Variants in HNF4G observed in about 807,000 individuals in gnomAD.
HNF4G encodes hepatocyte nuclear factor 4-gamma.
A neutral mutation model predicts 50.9 loss-of-function variants in HNF4G; 21 were observed. The ratio of observed to expected loss-of-function variants is 0.41; its 90% CI spans 0.29 to 0.59. The LOEUF (loss-of-function observed/expected upper bound fraction) is 0.59, where lower values mean the gene tolerates loss of function less well. Among genes scored for constraint, HNF4G ranks in the 20% least tolerant of loss-of-function variants. The pLI, the probability that HNF4G is intolerant of heterozygous loss-of-function variation, is 0.26. For missense variants in HNF4G, 527 were observed against 559.4 expected (o/e 0.94, Z 0.58); for synonymous variants, 198 against 185.6 (o/e 1.07, Z -0.54).
intron 1 of HNF4G, among the ~76,000 whole-genome samples, chr8:75,422,790 T>C (rs967878710): frequency 1.3e-5 from 2 of 152,192 alleles, no homozygotes; most frequent in East Asian, 3.9e-4. Context: ...CCCGCCACCA[T>C]GCCCCGCTAA....
At chr8:75,410,069 CA>C (rs1179115448) in intron 1 of HNF4G, among the ~76,000 whole-genome samples, 2 of 152,024 alleles carry the variant, frequency 1.3e-5, no homozygotes, top group East Asian at 3.9e-4. Flanking sequence ...TCAATATATA[CA>C]GATTTTTTTT....
chr8:75,432,958 G>C (rs1213837959), intron 1 of HNF4G, among the ~76,000 whole-genome samples: 1 of 152,150 alleles, frequency 6.6e-6, no homozygotes. Context: ...CAATTTGCCA[G>C]CTCTTTGAAT....
chr8:75,421,720 C>T (rs527578447), intron 1 of HNF4G, among the ~76,000 whole-genome samples: 2 of 152,208 alleles, frequency 1.3e-5, no homozygotes, highest in Admixed American at 6.5e-5. Flanking sequence ...GGCTTCACCC[C>T]GGGACTCAGT....
Position 75,558,550 on chromosome 8 carries a change from G to C in HNF4G, c.766G>C (p.Glu256Gln). 6.2e-7 allele frequency: 1 copy of C among 1,613,690 alleles called. No individual in the cohort carries two copies. Among genetic ancestry groups the C allele is most frequent in the Non-Finnish European group, 8.5e-7 (1 of 1,179,834 alleles). Reference protein sequence around the residue: ...NNYVIHRNSCEVEISRVANRV... With the variant: ...NNYVIHRNSCQVEISRVANRV... ...CTATGTTATTCACCGCAACAGCTGT[G>C]AAGTTGAGATTAGCCGTGTGGCCAA... The change falls in exon 7 of 10, where the codon GAA (glutamate) becomes CAA (glutamine). Residue 256 changes from glutamate to glutamine, a missense_variant. By Grantham distance (29) the Glu-to-Gln change is conservative. This residue lies in a region of HNF4G where 308 missense variants were observed against 301.5 expected (regional missense o/e 1.02). Coordinates refer to ENST00000396423, the MANE Select transcript of HNF4G (RefSeq NM_004133.5).
At chr8:75,563,676 G>T (rs189633542) in intron 9 of HNF4G, among the ~76,000 whole-genome samples, 1 of 151,948 alleles carries the variant, frequency 6.6e-6, no homozygotes, top group Admixed American at 6.6e-5. Flanking sequence ...TGCTAGGTTT[G>T]TTAGAGAATC....
At chr8:75,480,928 G>A (rs1012320388) in intron 1 of HNF4G, among the ~76,000 whole-genome samples, 5 of 152,000 alleles carry the variant, frequency 3.3e-5, no homozygotes, top group Non-Finnish European at 5.9e-5. Flanking sequence ...TGTTGGGCAG[G>A]CTGGACTCGA....
chr8:75,435,686 C>G (rs1235675164), intron 1 of HNF4G, among the ~76,000 whole-genome samples: 5 of 152,138 alleles, frequency 3.3e-5, no homozygotes, highest in Admixed American at 6.6e-5. Flanking sequence ...TTCTGCCTCC[C>G]GGATTCAAGC....
At chr8:75,505,813 T>G (rs1813064385) in intron 2 of HNF4G, among the ~76,000 whole-genome samples, 1 of 152,110 alleles carries the variant, frequency 6.6e-6, no homozygotes. Context: ...GAGTTACATT[T>G]TAAATATTTT....
chr8:75,525,204 C>T (rs1015647927), intron 2 of HNF4G, among the ~76,000 whole-genome samples: 6 of 152,150 alleles, frequency 3.9e-5, no homozygotes, highest in Non-Finnish European at 5.9e-5. Context: ...GGGTCTTGCT[C>T]TGTCTCCCAG....
chr8:75,421,703 A>AT (rs1248541669), intron 1 of HNF4G, among the ~76,000 whole-genome samples: 4 of 152,080 alleles, frequency 2.6e-5, no homozygotes, highest in Non-Finnish European at 2.9e-5. Context: ...AACTCTGAAG[A>AT]TTTTTTGGCT....
chr8:75,527,594 G>C (rs1312600014), intron 2 of HNF4G, among the ~76,000 whole-genome samples: 1 of 152,180 alleles, frequency 6.6e-6, no homozygotes, highest in Non-Finnish European at 1.5e-5. Context: ...TAGTATACCA[G>C]TATTAGTTAC....
At chr8:75,558,154 T>A (rs1341634835) in intron 6 of HNF4G, among the ~76,000 whole-genome samples, 3 of 152,208 alleles carry the variant, frequency 2.0e-5, no homozygotes, top group Non-Finnish European at 4.4e-5. Flanking sequence ...AGAAAGATTC[T>A]TTAGGGTTTG....
Position 75,564,284 on chromosome 8 carries a change from T to C in HNF4G, c.*188T>C, listed in dbSNP as rs1269060039. The C allele has an allele frequency of 5.4e-6, 3 of 559,588 alleles. No homozygotes were observed. The highest frequency in any genetic ancestry group is 3.8e-5 in the African/African-American group (2 of 52,514). 34.7% of individuals were successfully genotyped at this position (559,588 alleles called of 1,614,324 possible). A position where few individuals can be genotyped will look rare whatever the true frequency, so the allele number is the denominator to read the frequency against. ...ATTGCTACTATGTAAAACTTTCACA[T>C]GCAACCAATGTATATCTGAGTTTGA... On this transcript the variant is annotated 3_prime_UTR_variant, in exon 10 of 10. Transcript: ENST00000396423.
chr8:75,559,106 T>G (rs1807224190), intron 8 of HNF4G, 69 bp downstream of exon 8: 3 of 1,048,654 alleles, frequency 2.9e-6, no homozygotes. Context: ...ACCTACTGAT[T>G]TTTTTGTCCA....
chr8:75,477,263 A>ACC (rs1812262032), intron 1 of HNF4G, among the ~76,000 whole-genome samples: 1 of 152,188 alleles, frequency 6.6e-6, no homozygotes. Flanking sequence ...CCTACCATTA[A>ACC]ATTTTCTAAA....
chr8:75,409,443 A>G (rs752326598), intron 1 of HNF4G, among the ~76,000 whole-genome samples: 31 of 147,652 alleles, frequency 2.1e-4, no homozygotes, highest in African/African-American at 6.5e-4. Context: ...AATACTCCTC[A>G]TGCAAATAAT....
intron 1 of HNF4G, among the ~76,000 whole-genome samples, chr8:75,436,265 C>T (rs970091587): frequency 1.3e-5 from 2 of 152,124 alleles, no homozygotes; most frequent in Admixed American, 6.6e-5. Context: ...CTCACCAGGA[C>T]GTTTCATGAA....
intron 1 of HNF4G, among the ~76,000 whole-genome samples, chr8:75,453,395 G>C (rs1056886186): frequency 2.0e-5 from 3 of 152,148 alleles, no homozygotes; most frequent in African/African-American, 7.2e-5. Flanking sequence ...TCAGTGCTCT[G>C]TAGCTAGCTA....
intron 1 of HNF4G, among the ~76,000 whole-genome samples, chr8:75,487,581 C>T (rs1414655324): frequency 1.3e-5 from 2 of 152,138 alleles, no homozygotes; most frequent in Admixed American, 6.5e-5. Context: ...TTTTGCCTAC[C>T]AATCAAAATT....
Sources: allele counts gnomAD v4.1 joint callset (sites outside exome capture counted in the v4.1 genomes callset), GRCh38; gene constraint gnomAD v4.1.1; regional missense constraint gnomAD v4.1.1; transcripts MANE v1.5; gene names NCBI Gene and HGNC (gene_info 2026-07-23, HGNC 2026-07-21).